The following FAM120A variants were observed in gnomAD, a reference collection of about 807,000 sequenced individuals.
The protein encoded by FAM120A is family with sequence similarity 120 member A, also known as constitutive coactivator of PPAR-gamma-like protein 1.
Under a neutral mutation model 109.7 loss-of-function variants are expected in FAM120A, and 15 were observed. That is an observed-to-expected ratio of 0.14 (90% confidence interval 0.09 to 0.21). The LOEUF (loss-of-function observed/expected upper bound fraction) is 0.21, where lower values mean the gene tolerates loss of function less well. Among genes scored for constraint, FAM120A ranks in the 10% least tolerant of loss-of-function variants. FAM120A has a pLI of 1.00. For synonymous variants in FAM120A, 493 were observed against 572.8 expected (o/e 0.86, Z 1.99); for missense variants, 899 against 1,439.3 (o/e 0.62, Z 6.07).
intron 1 of FAM120A, among the ~76,000 whole-genome samples, chr9:93,461,050 T>C (rs1392727654): frequency 1.3e-5 from 2 of 152,146 alleles, no homozygotes; most frequent in African/African-American, 4.8e-5. Context: ...TGTAAAAGAG[T>C]TGAACTTGAC....
chr9:93,502,708 C>T (rs954750658), intron 5 of FAM120A, among the ~76,000 whole-genome samples: 1 of 152,134 alleles, frequency 6.6e-6, no homozygotes, highest in African/African-American at 2.4e-5. Context: ...GTCATAATTA[C>T]TAAGCGAGGA....
At chr9:93,548,888 C>T (rs1016904106) in intron 11 of FAM120A, among the ~76,000 whole-genome samples, 1 of 151,866 alleles carries the variant, frequency 6.6e-6, no homozygotes, top group Non-Finnish European at 1.5e-5. Flanking sequence ...ACTAAAAATA[C>T]AAAAATTAGC....
In FAM120A at chr9:93,455,234, G is replaced by T. The variant is rs114397841; in HGVS notation, c.474+2845G>T. On this transcript the variant is annotated intron_variant, in intron 1 of 17. Transcript: ENST00000277165. ...GAATTGCTGGTGTAGGTAACAACTT[G>T]CATGAATATTTAATTAAGGTTTTAT... 1.7e-3 allele frequency among the ~76,000 whole-genome samples: 261 copies of T among 152,306 alleles called. 2 individuals carry two copies. Among genetic ancestry groups the T allele is most frequent in the African/African-American group, 6.1e-3 (252 of 41,560 alleles).
At chr9:93,529,745 T>G (rs576122999) in intron 9 of FAM120A, 165 bp downstream of exon 9, 8 of 681,050 alleles carry the variant, frequency 1.2e-5, no homozygotes, top group South Asian at 5.1e-5. Flanking sequence ...AGATGAACAT[T>G]TATAACTGTA....
intron 1 of FAM120A, among the ~76,000 whole-genome samples, chr9:93,464,517 C>T (rs895340879): frequency 7.9e-5 from 12 of 152,094 alleles, no homozygotes; most frequent in African/African-American, 2.9e-4. Flanking sequence ...TCCTGGCTGC[C>T]CCAGGTTAGA....
In FAM120A at chr9:93,488,114, C is replaced by T. The variant is rs548470634; in HGVS notation, c.805-9357C>T. ...CCAGAGTATTCCTGGCCTTCTTGAG[C>T]GTTTGTCATTGAACACATCTGGTGG... On this transcript the variant is annotated intron_variant, in intron 3 of 17. Coordinates refer to ENST00000277165, the MANE Select transcript of FAM120A (RefSeq NM_014612.5). Among the ~76,000 whole-genome samples, 23 of 152,268 alleles carry T rather than the reference C, an allele frequency of 1.5e-4. No homozygotes were observed. In the South Asian group the frequency reaches 4.3e-3, roughly 29 times the overall value.
chr9:93,469,559 G>A (rs1188181349), intron 1 of FAM120A, among the ~76,000 whole-genome samples: 1 of 152,156 alleles, frequency 6.6e-6, no homozygotes, highest in Non-Finnish European at 1.5e-5. Flanking sequence ...TTGAGGTAAA[G>A]AACTTGGATT....
chr9:93,550,102 T>G (rs1862039926), intron 11 of FAM120A, among the ~76,000 whole-genome samples: 1 of 152,204 alleles, frequency 6.6e-6, no homozygotes, highest in East Asian at 1.9e-4. Flanking sequence ...TGGCCCTATC[T>G]TCGGTTATTT....
Position 93,564,473 on chromosome 9 carries a change from T to C in FAM120A, c.3290T>C (p.Leu1097Pro). ...AATACAAATCCTCATTTAAATGCACTAAGTACAGACAGCGCTTGCCGCAGA... is the reference window on the plus strand; with the variant it reads ...AATACAAATCCTCATTTAAATGCACCAAGTACAGACAGCGCTTGCCGCAGA... ...TCNTNPHLNA[L>P]STDSACRREA... The change falls in exon 18 of 18, where the codon CTA (leucine) becomes CCA (proline). Residue 1097 changes from leucine (L) to proline (P), a missense_variant. By Grantham distance (98) the Leu-to-Pro change is moderately conservative. Around this residue, in one of 11 missense-constraint regions of FAM120A, gnomAD observed 170 missense variants for 205.0 expected, o/e 0.83. Transcript: ENST00000277165. 1 of 1,614,194 alleles carries C rather than the reference T, an allele frequency of 6.2e-7. No individual in the cohort carries two copies. The highest frequency in any genetic ancestry group is 8.5e-7 in the Non-Finnish European group (1 of 1,180,030).
chr9:93,550,671 G>A lies in FAM120A; in HGVS notation c.2254G>A (p.Asp752Asn). ...GCTGTCCCCCAAACTCTACGAGCCT[G>A]ATCAGCTCCAGGAGCTCAAGGTAAT... ...QALSPKLYEPDQLQELKIENL... is the reference protein window; with the variant it reads ...QALSPKLYEPNQLQELKIENL... The change falls in exon 12 of 18, where the codon GAT (aspartate) becomes AAT (asparagine). Residue 752 changes from aspartate to asparagine, a missense_variant. Physicochemically the swap from Asp to Asn is conservative, Grantham distance 23 (BLOSUM62 1). Transcript: ENST00000277165. 1 of 1,613,824 alleles carries A rather than the reference G, an allele frequency of 6.2e-7. No individual in the cohort carries two copies. Among genetic ancestry groups the A allele is most frequent in the East Asian group, 2.2e-5 (1 of 44,884 alleles).
intron 5 of FAM120A, among the ~76,000 whole-genome samples, chr9:93,507,258 G>A (rs977058308): frequency 6.6e-6 from 1 of 152,160 alleles, no homozygotes; most frequent in Non-Finnish European, 1.5e-5. Context: ...TTGGGAGATG[G>A]AATAAGTAGA....
Position 93,516,202 on chromosome 9 carries a change from G to A in FAM120A, c.1351G>A (p.Ala451Thr), listed in dbSNP as rs1860574084. 3 of 1,613,958 alleles carry A rather than the reference G, an allele frequency of 1.9e-6. No homozygotes were observed. Among genetic ancestry groups the A allele is most frequent in the South Asian group, 2.2e-5 (2 of 91,070 alleles). ...QSGSPNHVDSAYFPGSSTSSS... is the reference protein window; with the variant it reads ...QSGSPNHVDSTYFPGSSTSSS... ...CGGCAGCCCCAACCACGTGGATTCC[G>A]CCTACTTCCCTGGCTCTTCTACATC... The change falls in exon 7 of 18, where the codon GCC (alanine) becomes ACC (threonine). Residue 451 changes from alanine (A) to threonine (T), a missense_variant. Coordinates refer to ENST00000277165, the MANE Select transcript of FAM120A (RefSeq NM_014612.5).
chr9:93,492,896 C>G (rs752971797), intron 3 of FAM120A, among the ~76,000 whole-genome samples: 20 of 152,168 alleles, frequency 1.3e-4, no homozygotes, highest in Non-Finnish European at 2.8e-4. Flanking sequence ...GTTCTGTTTT[C>G]TTTTGAAGTG....
chr9:93,510,397 G>A (rs1486466766), intron 5 of FAM120A, among the ~76,000 whole-genome samples: 1 of 152,180 alleles, frequency 6.6e-6, no homozygotes, highest in African/African-American at 2.4e-5. Context: ...TTCCCAAAGT[G>A]GATGCACTTA....
At chr9:93,555,351 A>G (rs1862253379) in intron 12 of FAM120A, among the ~76,000 whole-genome samples, 1 of 152,226 alleles carries the variant, frequency 6.6e-6, no homozygotes, top group Non-Finnish European at 1.5e-5. Flanking sequence ...AAACAGTGTT[A>G]GTTGATAATA....
intron 9 of FAM120A, among the ~76,000 whole-genome samples, chr9:93,531,591 G>A (rs1486970023): frequency 6.6e-6 from 1 of 152,182 alleles, no homozygotes; most frequent in Non-Finnish European, 1.5e-5. Context: ...TTCTGCCCTA[G>A]TGGCTATGCA....
Position 93,493,562 on chromosome 9 carries a change from C to T in FAM120A, c.805-3909C>T, listed in dbSNP as rs528898951. 3.2e-3 allele frequency among the ~76,000 whole-genome samples: 484 copies of T among 152,300 alleles called. 3 individuals carry two copies. Among genetic ancestry groups the T allele is most frequent in the African/African-American group, 0.011 (463 of 41,554 alleles). On this transcript the variant is annotated intron_variant, in intron 3 of 17. Transcript: ENST00000277165. The stretch of plus-strand genomic sequence containing the variant: ...AGCAGTTTCAGCATCAACTCTTGAA[C>T]GGTAGCTAAACTAACAAGAGAGTAC...
At chr9:93,470,529 A>G (rs1245856361) in intron 1 of FAM120A, among the ~76,000 whole-genome samples, 3 of 152,212 alleles carry the variant, frequency 2.0e-5, no homozygotes, top group African/African-American at 7.2e-5. Flanking sequence ...TAGTCTTGAC[A>G]TAGTGTGTGG....
chr9:93,476,408 A>G, intron 3 of FAM120A, 70 bp downstream of exon 3: 2 of 1,034,102 alleles, frequency 1.9e-6, no homozygotes, highest in Non-Finnish European at 1.5e-6. Context: ...CTTTAATAAC[A>G]TGTTAGGCCC....
Sources: gnomAD v4.1 joint callset for allele counts (sites outside exome capture counted in the v4.1 genomes callset) on GRCh38, gnomAD v4.1.1 for gene constraint, gnomAD v4.1.1 regional missense constraint, MANE v1.5 for transcripts, NCBI Gene and HGNC (gene_info 2026-07-23, HGNC 2026-07-21) for gene names.